PCDH15: variants seen among roughly 807,000 people sequenced by gnomAD.
PCDH15 encodes protocadherin-15.
In PCDH15, 129 loss-of-function variants were observed where a neutral mutation model predicts 178.5. The ratio of observed to expected loss-of-function variants is 0.72; its 90% CI spans 0.63 to 0.84. The LOEUF is 0.84. Among genes scored for constraint, PCDH15 ranks in the 40% least tolerant of loss-of-function variants. The probability of loss-of-function intolerance (pLI) is 0.00; values close to 1 mark genes in which losing one functional copy is unlikely to be tolerated. For synonymous variants in PCDH15, 800 were observed against 732.0 expected, an observed-to-expected ratio of 1.09 and a Z score of -1.50; for missense variants, 2,230 against 2,099.9, an observed-to-expected ratio of 1.06 and a Z score of -1.21.
At chr10:55,464,650 ATATATG>A (rs1430483991) in intron 2 of PCDH15, among the ~76,000 whole-genome samples, 2 of 13,334 alleles carry the variant, frequency 1.5e-4, no homozygotes, top group East Asian at 0.034. Flanking sequence ...ATATATATAT[ATATATG>A]TGTGTGTGTG....
At chr10:55,439,984 G>A (rs117126507) in intron 2 of PCDH15, among the ~76,000 whole-genome samples, 10 of 152,238 alleles carry the variant, frequency 6.6e-5, no homozygotes, top group South Asian at 4.2e-4. Context: ...CAAGAGGTCC[G>A]TTGTACTGAT....
At chr10:55,387,705 A>C (rs538509873) in intron 2 of PCDH15, among the ~76,000 whole-genome samples, 78 of 152,130 alleles carry the variant, frequency 5.1e-4, no homozygotes, top group Non-Finnish European at 8.7e-4. Context: ...GGAAAAATAC[A>C]AAACCAAAAT....
At chr10:55,182,134 A>C (rs1839667202) in intron 1 of PCDH15, among the ~76,000 whole-genome samples, 1 of 151,958 alleles carries the variant, frequency 6.6e-6, no homozygotes, top group African/African-American at 2.4e-5. Context: ...GTTTTCTAGC[A>C]TGAGGATACT....
chr10:54,528,008 A>T lies in PCDH15; in HGVS notation c.92-131T>A, dbSNP rs74610892. 1,783 of 694,374 alleles carry T rather than the reference A, an allele frequency of 2.6e-3. 26 individuals are homozygous for T. The African/African-American group carries it at 0.028, about 11-fold the overall frequency. 43.0% of individuals were successfully genotyped at this position (694,374 alleles called of 1,614,324 possible). A position where few individuals can be genotyped will look rare whatever the true frequency, so the allele number is the denominator to read the frequency against. ...AATCTAATTAATATGCATCACTACA[A>T]TTAATATTATTTAAAAACATTTTAT... is the stretch of plus-strand genomic sequence containing the variant. On this transcript the variant is annotated intron_variant, in intron 2 of 37. Transcript: ENST00000644397.
chr10:53,852,748 G>A (rs576017686), intron 28 of PCDH15, among the ~76,000 whole-genome samples: 1 of 150,386 alleles, frequency 6.6e-6, no homozygotes, highest in Non-Finnish European at 1.5e-5. Context: ...TAAAATATTG[G>A]TCTACCAAAA....
chr10:55,323,117 A>G (rs1843947579), upstream of PCDH15, among the ~76,000 whole-genome samples: 1 of 152,200 alleles, frequency 6.6e-6, no homozygotes, highest in Non-Finnish European at 1.5e-5. Flanking sequence ...AAGTCTTGGC[A>G]GCTTACATGT....
intron 14 of PCDH15, among the ~76,000 whole-genome samples, chr10:54,143,796 C>CCCTGCCTATTT (rs1184230314): frequency 6.6e-6 from 1 of 152,002 alleles, no homozygotes; most frequent in East Asian, 1.9e-4. Context: ...CATATTTTTT[C>CCCTGCCTATTT]TCTGCCTATT....
chr10:54,517,025 C>T (rs1430555038), intron 3 of PCDH15, among the ~76,000 whole-genome samples: 1 of 152,008 alleles, frequency 6.6e-6, no homozygotes, highest in Non-Finnish European at 1.5e-5. Context: ...GATTTTGTCA[C>T]CACCAGGCCT....
At chr10:55,255,904 G>A (rs888650468) in intron 1 of PCDH15, among the ~76,000 whole-genome samples, 1 of 152,138 alleles carries the variant, frequency 6.6e-6, no homozygotes, top group Non-Finnish European at 1.5e-5. Flanking sequence ...TAGGTTGCCT[G>A]TTCACTCTGA....
chr10:53,827,554 A>C lies in PCDH15; in HGVS notation c.4212-6T>G. On this transcript the variant is annotated splice_region_variant and splice_polypyrimidine_tract_variant and intron_variant, in intron 31 of 37. Coordinates refer to ENST00000644397, the MANE Select transcript of PCDH15 (RefSeq NM_001384140.1). ...TTGTACACTCAGCTTGACGTCTTGG[A>C]TAAAGTAAGGATGGCTTGTAAAACT... 6.2e-7 allele frequency: 1 copy of C among 1,614,142 alleles called. No individual in the cohort carries two copies. Among genetic ancestry groups the C allele is most frequent in the Non-Finnish European group, 8.5e-7 (1 of 1,179,962 alleles).
rs145165089 is a variant in PCDH15 at position 55,191,960 on chromosome 10, T to C, written c.-155-25309A>G. Among the ~76,000 whole-genome samples, 1,371 of 152,042 alleles carry C rather than the reference T, an allele frequency of 9.0e-3. 10 individuals are homozygous for C. The highest frequency in any genetic ancestry group is 0.014 in the Non-Finnish European group (959 of 67,874). On this transcript the variant is annotated intron_variant, in intron 1 of 5. Transcript: ENST00000458638. ...TGTCTGAACTGCTAAAAAAAATTAG[T>C]TAAAAAATAGACGTTGTCACACTTT...
At chr10:54,931,515 G>A (rs1837775329) in intron 2 of PCDH15, among the ~76,000 whole-genome samples, 1 of 152,146 alleles carries the variant, frequency 6.6e-6, no homozygotes, top group Admixed American at 6.6e-5. Flanking sequence ...ATACCTTGGT[G>A]TATAGGCAGA....
At chr10:54,400,027 A>G (rs940077798) in intron 3 of PCDH15, among the ~76,000 whole-genome samples, 2 of 152,088 alleles carry the variant, frequency 1.3e-5, no homozygotes, top group Non-Finnish European at 2.9e-5. Context: ...AGAGATGAAT[A>G]AGGCAGAGAG....
Position 54,487,841 on chromosome 10 carries a change from T to C in PCDH15, c.157+39971A>G, listed in dbSNP as rs1414753027. ...CCAGATAGTAAAGGAACTAAACTAA[T>C]ATTGTAATGTCCTAGCCTTTCATTT... On this transcript the variant is annotated intron_variant, in intron 3 of 37. Transcript: ENST00000644397. Among the ~76,000 whole-genome samples, 5 of 151,914 alleles carry C rather than the reference T, an allele frequency of 3.3e-5. No individual in the cohort carries two copies. The South Asian group carries it at 8.3e-4, about 25-fold the overall frequency.
At chr10:54,530,059 AG>A (rs2083755129) in intron 2 of PCDH15, among the ~76,000 whole-genome samples, 1 of 152,110 alleles carries the variant, frequency 6.6e-6, no homozygotes, top group African/African-American at 2.4e-5. Flanking sequence ...GAATAATAAA[AG>A]AAGGGGAAAT....
intron 2 of PCDH15, among the ~76,000 whole-genome samples, chr10:55,584,562 C>T (rs1018483338): frequency 7.0e-6 from 1 of 142,498 alleles, no homozygotes; most frequent in African/African-American, 2.6e-5. Flanking sequence ...GAGGCTGAGG[C>T]AGGAAAATTA....
At chr10:53,991,131 A>C (rs2091448767) in intron 21 of PCDH15, among the ~76,000 whole-genome samples, 1 of 151,930 alleles carries the variant, frequency 6.6e-6, no homozygotes, top group African/African-American at 2.4e-5. Context: ...AGTCTCCCCA[A>C]CAGGGTGCTG....
chr10:53,838,031 C>G (rs1589024157), intron 29 of PCDH15, among the ~76,000 whole-genome samples: 1 of 151,514 alleles, frequency 6.6e-6, no homozygotes, highest in East Asian at 2.0e-4. Flanking sequence ...GGATGGAGTG[C>G]AGTGGCATGA....
chr10:54,043,951 T>C (rs2093604314), intron 18 of PCDH15, among the ~76,000 whole-genome samples: 1 of 152,162 alleles, frequency 6.6e-6, no homozygotes. Flanking sequence ...AGATGTCCTC[T>C]GTACCTATGT....
Sources: gnomAD v4.1 joint callset for allele counts (sites outside exome capture counted in the v4.1 genomes callset) on GRCh38, gnomAD v4.1.1 for gene constraint, MANE v1.5 for transcripts, NCBI Gene and HGNC (gene_info 2026-07-23, HGNC 2026-07-21) for gene names.